Variants in PVT1 observed in about 807,000 individuals in gnomAD.
The protein encoded by PVT1 is CXCR4/PVT1 fusion.
At chr8:128,052,201 C>G (rs913638732) in intron 4 of PVT1, among the ~76,000 whole-genome samples, 7 of 152,154 alleles carry the variant, frequency 4.6e-5, no homozygotes, top group African/African-American at 1.7e-4. Context: ...GGCCTAGATT[C>G]TGGGTCCCTG....
chr8:127,904,642 A>G (rs527806635), intron 3 of PVT1, among the ~76,000 whole-genome samples: 1 of 152,308 alleles, frequency 6.6e-6, no homozygotes, highest in African/African-American at 2.4e-5. Flanking sequence ...TCTCACACTC[A>G]TGAAGTGTTG....
At chr8:128,015,307 C>G (rs911044270) in intron 4 of PVT1, among the ~76,000 whole-genome samples, 2 of 151,982 alleles carry the variant, frequency 1.3e-5, no homozygotes, top group African/African-American at 4.8e-5. Context: ...CCAGGCTGGT[C>G]TTAAACTCCT....
chr8:127,889,384 C>T (rs1054845915), intron 2 of PVT1, among the ~76,000 whole-genome samples: 1 of 151,774 alleles, frequency 6.6e-6, no homozygotes, highest in Non-Finnish European at 1.5e-5. Flanking sequence ...CCAGCCTCGG[C>T]ATCACAAAGT....
intron 3 of PVT1, among the ~76,000 whole-genome samples, chr8:127,897,887 GA>G (rs1815704831): frequency 8.8e-6 from 1 of 113,002 alleles, no homozygotes; most frequent in Non-Finnish European, 1.8e-5. Context: ...AAGAAAGAAA[GA>G]AAGAAAGAAA....
chr8:127,831,135 A>C (rs1172660367), intron 2 of PVT1, among the ~76,000 whole-genome samples: 124 of 113,020 alleles, frequency 1.1e-3, no homozygotes, highest in African/African-American at 4.4e-3. Context: ...CTATATCTAT[A>C]TCTATCTCTC....
At chr8:128,091,180 C>T (rs777893973) in intron 5 of PVT1, among the ~76,000 whole-genome samples, 25 of 152,150 alleles carry the variant, frequency 1.6e-4, no homozygotes, top group Non-Finnish European at 2.5e-4. Flanking sequence ...GGCGATCACT[C>T]CTCTGTTTAC....
chr8:128,086,789 C>G (rs1174026274), intron 5 of PVT1, among the ~76,000 whole-genome samples: 1 of 152,210 alleles, frequency 6.6e-6, no homozygotes, highest in African/African-American at 2.4e-5. Flanking sequence ...ACAGGGTGGG[C>G]CCTGGCTGCG....
intron 3 of PVT1, among the ~76,000 whole-genome samples, chr8:127,987,647 A>G (rs1464733203): frequency 6.6e-6 from 1 of 152,244 alleles, no homozygotes; most frequent in Non-Finnish European, 1.5e-5. Context: ...ACTGAGGCTC[A>G]GAGAGCTCAA....
chr8:128,092,836 C>A lies in PVT1; in HGVS notation n.1115-3682C>A, dbSNP rs1191749846. ...GCAAAAACTGCAATTATTTTTGCAC[C>A]AACCTAAATACTTTTGCACCGCCAG... On this transcript the variant is annotated intron_variant and non_coding_transcript_variant, in intron 5 of 10. Coordinates refer to ENST00000651587, the Ensembl canonical transcript of PVT1. 2.0e-5 allele frequency among the ~76,000 whole-genome samples: 3 copies of A among 152,188 alleles called. No homozygotes were observed. The South Asian group carries it at 6.2e-4, about 32-fold the overall frequency.
In PVT1 at chr8:127,898,160, C is replaced by A. The variant is rs1815710301; in HGVS notation, n.782+7162C>A. ...AAGATTCATTATTCTGTCCTCTGAA[C>A]CTGAGTGAAGAAATATACTCTGTCC... On this transcript the variant is annotated intron_variant and non_coding_transcript_variant, in intron 3 of 10. Transcript: ENST00000651587. The surrounding 1 kb of genome is among the most constrained non-coding windows in gnomAD (Gnocchi z 4.4). 6.7e-6 allele frequency among the ~76,000 whole-genome samples: 1 copy of A among 148,166 alleles called. No homozygotes were observed. Among genetic ancestry groups the A allele is most frequent in the South Asian group, 2.1e-4 (1 of 4,682 alleles).
intron 2 of PVT1, among the ~76,000 whole-genome samples, chr8:127,860,385 A>G (rs1263885712): frequency 6.6e-6 from 1 of 152,180 alleles, no homozygotes; most frequent in African/African-American, 2.4e-5. Context: ...CTTTGGGGGA[A>G]AACTTTTTCT....
At chr8:127,922,164 A>G (rs1460134247) in intron 3 of PVT1, among the ~76,000 whole-genome samples, 1 of 152,066 alleles carries the variant, frequency 6.6e-6, no homozygotes, top group Non-Finnish European at 1.5e-5. Flanking sequence ...TGGCCAGTTC[A>G]GGTTTCAAAG....
At chr8:128,069,086 A>G (rs1397347221) in intron 4 of PVT1, among the ~76,000 whole-genome samples, 1 of 152,218 alleles carries the variant, frequency 6.6e-6, no homozygotes, top group Non-Finnish European at 1.5e-5. Context: ...AAGGGTCATC[A>G]TGGAGAAGAG....
At chr8:128,046,634 T>C (rs867784138) in intron 4 of PVT1, among the ~76,000 whole-genome samples, 3 of 152,194 alleles carry the variant, frequency 2.0e-5, no homozygotes, top group Admixed American at 1.3e-4. Flanking sequence ...CCCAGCTCCT[T>C]AGCACAGCAC....
chr8:127,979,057 C>G (rs1467310011), intron 3 of PVT1, among the ~76,000 whole-genome samples: 1 of 152,194 alleles, frequency 6.6e-6, no homozygotes, highest in South Asian at 2.1e-4. Flanking sequence ...ACACAAATGA[C>G]ACAATTTAAC....
At chr8:127,960,991 C>T (rs1217750909) in intron 3 of PVT1, among the ~76,000 whole-genome samples, 1 of 149,828 alleles carries the variant, frequency 6.7e-6, no homozygotes, top group Non-Finnish European at 1.5e-5. Context: ...GATGAGAAAT[C>T]AGATAATCAC....
At chr8:127,851,768 T>C (rs1815109715) in intron 2 of PVT1, among the ~76,000 whole-genome samples, 1 of 152,184 alleles carries the variant, frequency 6.6e-6, no homozygotes, top group African/African-American at 2.4e-5. Context: ...GTGGAGACTC[T>C]AGCCATGGTT....
At chr8:127,808,543 T>C (rs1183244407) in intron 2 of PVT1, among the ~76,000 whole-genome samples, 1 of 152,140 alleles carries the variant, frequency 6.6e-6, no homozygotes, top group Non-Finnish European at 1.5e-5. Context: ...AGTGCTTTTT[T>C]AAGTCTTTGG....
intron 3 of PVT1, among the ~76,000 whole-genome samples, chr8:127,905,764 G>A (rs1388645776): frequency 1.3e-5 from 2 of 152,212 alleles, no homozygotes; most frequent in African/African-American, 4.8e-5. Context: ...TAGAGGTTGA[G>A]TCAATCTCCC....
Sources: allele counts gnomAD v4.1 joint callset (sites outside exome capture counted in the v4.1 genomes callset), GRCh38; gene constraint gnomAD v4.1.1; non-coding constraint Gnocchi (gnomAD v3.1); transcripts MANE v1.5; gene names NCBI Gene and HGNC (gene_info 2026-07-23, HGNC 2026-07-21).